Variants in LARGE1 observed in about 807,000 individuals in gnomAD.
LARGE1 encodes xylosyl- and glucuronyltransferase LARGE1.
LARGE1 carries 43 observed loss-of-function variants against 87.6 expected under a neutral mutation model. The ratio of observed to expected loss-of-function variants is 0.49; its 90% CI spans 0.38 to 0.63. LARGE1 has a LOEUF of 0.63. LARGE1 is among the 30% of genes least tolerant of loss of function. The probability of loss-of-function intolerance (pLI) is 0.00; values close to 1 mark genes in which losing one functional copy is unlikely to be tolerated. For missense variants in LARGE1, 802 were observed against 1,000.2 expected (o/e 0.80, Z 2.67); for synonymous variants, 434 against 394.6 (o/e 1.10, Z -1.18).
At chr22:33,791,991 T>C (rs1243762767) in intron 1 of LARGE1, among the ~76,000 whole-genome samples, 1 of 152,224 alleles carries the variant, frequency 6.6e-6, no homozygotes, top group Non-Finnish European at 1.5e-5. Context: ...TTTTATTATC[T>C]GTTCCCTTTT....
chr22:33,308,510 C>T (rs769688800), intron 11 of LARGE1, among the ~76,000 whole-genome samples: 1 of 152,134 alleles, frequency 6.6e-6, no homozygotes, highest in Non-Finnish European at 1.5e-5. Flanking sequence ...AGCTATCAAT[C>T]GTCCCTTTGC....
At chr22:33,180,568 T>A (rs750933669) in intron 11 of LARGE1, among the ~76,000 whole-genome samples, 15 of 152,222 alleles carry the variant, frequency 9.9e-5, no homozygotes, top group Non-Finnish European at 1.6e-4. Context: ...ATTCCACTCC[T>A]AGGCATAGAG....
Position 33,596,520 on chromosome 22 carries a change from G to A in LARGE1, c.615+7915C>T, listed in dbSNP as rs534819493. Reference sequence around the variant, plus strand: ...AAATGGGAAAGTGGTAATTTTTCCAGACCTGCGCATAATATTTAACCTCTG... The same window carrying A: ...AAATGGGAAAGTGGTAATTTTTCCAAACCTGCGCATAATATTTAACCTCTG... On this transcript the variant is annotated intron_variant, in intron 5 of 14. Coordinates refer to ENST00000397394, the MANE Select transcript of LARGE1 (RefSeq NM_133642.5). 1.2e-4 allele frequency among the ~76,000 whole-genome samples: 19 copies of A among 152,252 alleles called. No individual in the cohort carries two copies. In the South Asian group the frequency reaches 3.7e-3, roughly 30 times the overall value.
intron 2 of LARGE1, among the ~76,000 whole-genome samples, chr22:33,660,795 T>C (rs1458856208): frequency 1.3e-5 from 2 of 152,238 alleles, no homozygotes; most frequent in South Asian, 2.1e-4. Flanking sequence ...AGAAATACTA[T>C]AGAATTTCTT....
chr22:33,668,523 G>A (rs2081325972), intron 2 of LARGE1, among the ~76,000 whole-genome samples: 1 of 152,172 alleles, frequency 6.6e-6, no homozygotes, highest in Non-Finnish European at 1.5e-5. Context: ...TGTAAAGTAT[G>A]GGTGCTTCTC....
intron 11 of LARGE1, among the ~76,000 whole-genome samples, chr22:33,243,633 T>C (rs1482432345): frequency 1.3e-5 from 2 of 152,242 alleles, no homozygotes; most frequent in Non-Finnish European, 2.9e-5. Context: ...AACATTTCTC[T>C]ATCCGTTCAT....
chr22:33,851,252 T>C (rs1054096459), intron 1 of LARGE1, among the ~76,000 whole-genome samples: 2 of 152,252 alleles, frequency 1.3e-5, no homozygotes, highest in Non-Finnish European at 2.9e-5. Context: ...GGATAAGACC[T>C]TGGGTCTCTT....
chr22:33,794,707 G>C (rs2085927484), intron 1 of LARGE1, among the ~76,000 whole-genome samples: 2 of 152,188 alleles, frequency 1.3e-5, no homozygotes, highest in African/African-American at 2.4e-5. Context: ...TGCAACCTCC[G>C]CTCCCGGGTT....
intron 1 of LARGE1, among the ~76,000 whole-genome samples, chr22:33,850,083 G>A (rs1367510876): frequency 1.3e-5 from 2 of 152,108 alleles, no homozygotes; most frequent in Admixed American, 6.5e-5. Flanking sequence ...AAAGTAAAAG[G>A]AGGACCATAC....
rs532548469 is a variant in LARGE1, at chr22:33,591,247, C to T, written c.615+13188G>A. ...CCAAGCTGTTTTCTGAAGTGGTATA[C>T]CATTTTTCACTTCCATCAGTGATGT... On this transcript the variant is annotated intron_variant, in intron 5 of 14. Transcript: ENST00000397394. Among the ~76,000 whole-genome samples the T allele has an allele frequency of 2.0e-5, 3 of 152,282 alleles. No homozygotes were observed. The South Asian group carries it at 6.2e-4, about 32-fold the overall frequency.
the LARGE1 span, among the ~76,000 whole-genome samples, chr22:33,140,781 C>T: frequency 6.6e-6 from 1 of 152,160 alleles, no homozygotes; most frequent in Admixed American, 6.5e-5. Context: ...GGTTTTGGGA[C>T]TCAGACTGGC....
intron 6 of LARGE1, among the ~76,000 whole-genome samples, chr22:33,494,786 T>C (rs902651177): frequency 1.2e-4 from 19 of 152,224 alleles, no homozygotes; most frequent in Non-Finnish European, 2.5e-4. Flanking sequence ...TCTCGTTTTC[T>C]CCTTTGCCAG....
At chr22:33,750,699 T>A (rs1272352795) in intron 2 of LARGE1, 1 of 152,196 alleles carries the variant, frequency 6.6e-6, no homozygotes. Flanking sequence ...GTAATATTGT[T>A]TTAGTATTAA....
At chr22:33,112,529 G>A in the LARGE1 span, among the ~76,000 whole-genome samples, 3 of 152,234 alleles carry the variant, frequency 2.0e-5, no homozygotes, top group African/African-American at 7.2e-5. Context: ...TTCGGGGCAT[G>A]CTGCTTAAAT....
chr22:33,462,456 A>G (rs1462765494), intron 6 of LARGE1, among the ~76,000 whole-genome samples: 1 of 152,172 alleles, frequency 6.6e-6, no homozygotes, highest in Non-Finnish European at 1.5e-5. Context: ...GTGAGAAAAA[A>G]AAACAGCAAC....
rs2146163430 is a variant in LARGE1, at chr22:33,304,276, C to T, written c.1683G>A (p.Leu561=). The T allele has an allele frequency of 6.2e-7, 1 of 1,614,268 alleles. No individual in the cohort carries two copies. Among genetic ancestry groups the T allele is most frequent in the Non-Finnish European group, 8.5e-7 (1 of 1,180,050 alleles). Reference sequence around the variant, plus strand: ...ACATGGGCAGGAAGTCAATGTCAGACAGGAACATGTAGGGAGTGCTGATGT... The same window carrying T: ...ACATGGGCAGGAAGTCAATGTCAGATAGGAACATGTAGGGAGTGCTGATGT... ...MKHISTPYMF[L]SDIDFLPMYG... is the part of the protein sequence containing the mutation. Residue 561 remains leucine (L), a synonymous_variant, in exon 12 of 15, where the codon CTG becomes CTA. Coordinates refer to ENST00000397394, the MANE Select transcript of LARGE1 (RefSeq NM_133642.5).
intron 7 of LARGE1, among the ~76,000 whole-genome samples, chr22:33,407,617 A>G (rs1027434194): frequency 2.6e-5 from 4 of 152,130 alleles, no homozygotes; most frequent in South Asian, 2.1e-4. Flanking sequence ...GCTTTATTCA[A>G]TCTCAGCCTA....
intron 2 of LARGE1, among the ~76,000 whole-genome samples, chr22:33,685,932 A>T (rs2081930525): frequency 6.6e-6 from 1 of 152,238 alleles, no homozygotes; most frequent in Non-Finnish European, 1.5e-5. Flanking sequence ...GTGAGGCTCA[A>T]CCAAGAGACA....
chr22:33,405,850 C>T (rs955598745), intron 7 of LARGE1, among the ~76,000 whole-genome samples: 3 of 152,116 alleles, frequency 2.0e-5, no homozygotes, highest in South Asian at 2.1e-4. Flanking sequence ...TCCTTCCTTA[C>T]GCTCTGTGAA....
Sources: allele counts gnomAD v4.1 joint callset (sites outside exome capture counted in the v4.1 genomes callset), GRCh38; gene constraint gnomAD v4.1.1; transcripts MANE v1.5; gene names NCBI Gene and HGNC (gene_info 2026-07-23, HGNC 2026-07-21).